The following PTPRG variants were observed in gnomAD, a reference collection of about 807,000 sequenced individuals.
PTPRG encodes the protein protein tyrosine phosphatase receptor type G.
A neutral mutation model predicts 165.3 loss-of-function variants in PTPRG; 102 were observed. That is an observed-to-expected ratio of 0.62 (90% CI 0.53 to 0.73). PTPRG has a LOEUF of 0.73. Among genes scored for constraint, PTPRG ranks in the 30% least tolerant of loss-of-function variants. The probability of loss-of-function intolerance (pLI) is 0.00; values close to 1 mark genes in which losing one functional copy is unlikely to be tolerated. For synonymous variants in PTPRG, 675 were observed against 669.5 expected, an observed-to-expected ratio of 1.01 and a Z score of -0.13; for missense variants, 1,866 against 1,861.4, an observed-to-expected ratio of 1.00 and a Z score of -0.05.
At chr3:61,655,114 G>A (rs1400659908) in intron 1 of PTPRG, among the ~76,000 whole-genome samples, 2 of 152,116 alleles carry the variant, frequency 1.3e-5, no homozygotes, top group Admixed American at 6.5e-5. Context: ...TTATTGAGGT[G>A]TGCGGCAGGA....
intron 4 of PTPRG, among the ~76,000 whole-genome samples, chr3:62,021,224 A>T (rs1044358183): frequency 6.6e-6 from 1 of 152,152 alleles, no homozygotes; most frequent in African/African-American, 2.4e-5. Context: ...TTTTTCCATG[A>T]TGTGGATGCA....
At chr3:61,689,320 CA>C (rs560720365) in intron 1 of PTPRG, among the ~76,000 whole-genome samples, 37 of 152,256 alleles carry the variant, frequency 2.4e-4, no homozygotes, top group African/African-American at 8.9e-4. Flanking sequence ...CGTTTACACA[CA>C]AAACAAGATA....
chr3:62,268,299 T>TA (rs1701948924), intron 19 of PTPRG, among the ~76,000 whole-genome samples: 1 of 151,906 alleles, frequency 6.6e-6, no homozygotes, highest in African/African-American at 2.4e-5. Flanking sequence ...GAGGACCTTT[T>TA]AAAAAAATGA....
chr3:61,589,505 T>C (rs1481240531), intron 1 of PTPRG, among the ~76,000 whole-genome samples: 2 of 152,172 alleles, frequency 1.3e-5, no homozygotes, highest in African/African-American at 4.8e-5. Flanking sequence ...CACAGAAAAA[T>C]TTCCCCCAGT....
intron 2 of PTPRG, among the ~76,000 whole-genome samples, chr3:61,751,712 C>G (rs1328836676): frequency 2.0e-5 from 3 of 152,076 alleles, no homozygotes; most frequent in Admixed American, 6.5e-5. Context: ...TAACATAGGC[C>G]GGGCGCAGTG....
chr3:61,736,758 C>T (rs912270493), intron 1 of PTPRG, among the ~76,000 whole-genome samples: 13 of 152,150 alleles, frequency 8.5e-5, no homozygotes, highest in African/African-American at 2.4e-4. Flanking sequence ...TGCTCTTGCC[C>T]GCCTCCCTCC....
intron 2 of PTPRG, among the ~76,000 whole-genome samples, chr3:61,844,392 CAAAT>C (rs994891995): frequency 6.6e-6 from 1 of 152,200 alleles, no homozygotes; most frequent in African/African-American, 2.4e-5. Context: ...AGATAAATGA[CAAAT>C]AATTTTTTAG....
At chr3:62,188,065 G>A (rs1160505746) in intron 8 of PTPRG, among the ~76,000 whole-genome samples, 1 of 152,066 alleles carries the variant, frequency 6.6e-6, no homozygotes, top group Non-Finnish European at 1.5e-5. Context: ...GAGTTGTTGA[G>A]TAAAACACAA....
At chr3:62,227,117 C>T (rs1700780825) in intron 13 of PTPRG, among the ~76,000 whole-genome samples, 1 of 152,166 alleles carries the variant, frequency 6.6e-6, no homozygotes, top group Non-Finnish European at 1.5e-5. Context: ...TGTGGTAACA[C>T]CCCTCTCTTG....
At chr3:62,128,706 T>C (rs954001017) in intron 5 of PTPRG, among the ~76,000 whole-genome samples, 3 of 149,456 alleles carry the variant, frequency 2.0e-5, no homozygotes, top group Non-Finnish European at 4.4e-5. Flanking sequence ...TTCCATATTT[T>C]CCCCATCCCT....
At chr3:61,835,593 A>G (rs2036433280) in intron 2 of PTPRG, among the ~76,000 whole-genome samples, 1 of 151,694 alleles carries the variant, frequency 6.6e-6, no homozygotes, top group Non-Finnish European at 1.5e-5. Context: ...CAGCCTCCCA[A>G]AGTGCTGGGA....
intron 1 of PTPRG, among the ~76,000 whole-genome samples, chr3:61,566,330 C>G (rs1699913481): frequency 6.6e-6 from 1 of 152,238 alleles, no homozygotes; most frequent in East Asian, 1.9e-4. Context: ...ACAAACAGCC[C>G]TTTCAGATTT....
chr3:61,597,310 G>C (rs1700727004), intron 1 of PTPRG, among the ~76,000 whole-genome samples: 1 of 152,088 alleles, frequency 6.6e-6, no homozygotes, highest in African/African-American at 2.4e-5. Flanking sequence ...GCTGAGTATT[G>C]ATTCTAGGAC....
chr3:61,676,551 CACACACACAA>C (rs1218378930), intron 1 of PTPRG, among the ~76,000 whole-genome samples: 5 of 149,532 alleles, frequency 3.3e-5, no homozygotes, highest in South Asian at 2.1e-4. Context: ...TTTACTTTCA[CACACACACAA>C]ACACACACAC....
At chr3:62,003,589 C>A in intron 4 of PTPRG, 92 bp downstream of exon 4, 1 of 1,502,222 alleles carries the variant, frequency 6.7e-7, no homozygotes, top group Non-Finnish European at 9.0e-7. Flanking sequence ...TTTTGCAAAT[C>A]ACAGCTGTAC....
chr3:62,023,523 A>G (rs535936858), intron 4 of PTPRG, among the ~76,000 whole-genome samples: 6 of 152,030 alleles, frequency 3.9e-5, no homozygotes, highest in African/African-American at 1.2e-4. Context: ...TCTTATTCCT[A>G]TGCACTCCTC....
At chr3:62,100,327 A>G (rs970880317) in intron 5 of PTPRG, among the ~76,000 whole-genome samples, 1 of 152,148 alleles carries the variant, frequency 6.6e-6, no homozygotes, top group Non-Finnish European at 1.5e-5. Flanking sequence ...TCTTTTCTAT[A>G]TCTTAAACAG....
intron 1 of PTPRG, among the ~76,000 whole-genome samples, chr3:61,572,509 C>T (rs564503507): frequency 6.6e-6 from 1 of 152,110 alleles, no homozygotes; most frequent in South Asian, 2.1e-4. Context: ...TTCTTTTGGC[C>T]ATACTGCATT....
chr3:61,663,101 T>A (rs1702711603), intron 1 of PTPRG, among the ~76,000 whole-genome samples: 1 of 152,184 alleles, frequency 6.6e-6, no homozygotes, highest in Non-Finnish European at 1.5e-5. Flanking sequence ...CTGGGCAACA[T>A]GGCGAAACTG....
Sources: gnomAD v4.1 joint callset for allele counts (sites outside exome capture counted in the v4.1 genomes callset) on GRCh38, gnomAD v4.1.1 for gene constraint, MANE v1.5 for transcripts, NCBI Gene and HGNC (gene_info 2026-07-23, HGNC 2026-07-21) for gene names.